The following C4orf51 variants were observed in gnomAD, a reference collection of about 807,000 sequenced individuals.
C4orf51 encodes chromosome 4 open reading frame 51, also known as uncharacterized protein C4orf51.
C4orf51 carries 25 observed loss-of-function variants against 25.2 expected under a neutral mutation model. The observed-to-expected ratio is 0.99, with a 90% confidence interval of 0.72 to 1.39. The LOEUF (loss-of-function observed/expected upper bound fraction) is 1.39, where lower values mean the gene tolerates loss of function less well. C4orf51 is among the 40% of genes most tolerant of loss of function. The pLI, the probability that C4orf51 is intolerant of heterozygous loss-of-function variation, is 0.00. For synonymous variants in C4orf51, 100 were observed against 84.5 expected (o/e 1.18, Z -1.01); for missense variants, 252 against 239.6 (o/e 1.05, Z -0.34).
downstream of C4orf51, chr4:145,774,395 A>G (rs897904077): frequency 8.1e-7 from 1 of 1,230,602 alleles, no homozygotes; most frequent in Non-Finnish European, 1.1e-6. Context: ...CCTTCCATGG[A>G]AGGAAAAGGG....
At chr4:145,701,359 C>T (rs1040555111) in intron 2 of C4orf51, among the ~76,000 whole-genome samples, 7 of 152,182 alleles carry the variant, frequency 4.6e-5, no homozygotes, top group African/African-American at 1.7e-4. Context: ...CCTCCTCCCC[C>T]AGGAGCTTGC....
At chr4:145,753,259 C>T (rs1437128889) in intron 1 of C4orf51, among the ~76,000 whole-genome samples, 1 of 150,738 alleles carries the variant, frequency 6.6e-6, no homozygotes, top group African/African-American at 2.5e-5. Context: ...TTGCTCCACC[C>T]TTGAAAAATA....
chr4:145,751,855 A>G (rs1291302708), intron 1 of C4orf51, among the ~76,000 whole-genome samples: 2 of 152,194 alleles, frequency 1.3e-5, no homozygotes, highest in African/African-American at 4.8e-5. Flanking sequence ...AAGCCACAAA[A>G]CAAAGTCCTT....
Position 145,765,107 on chromosome 4 carries a change from A to G in C4orf51, n.167-5881A>G. The G allele has an allele frequency of 6.2e-7, 1 of 1,614,132 alleles. No homozygotes were observed. Among genetic ancestry groups the G allele is most frequent in the Non-Finnish European group, 8.5e-7 (1 of 1,180,026 alleles). On this transcript the variant is annotated intron_variant and non_coding_transcript_variant, in intron 1 of 1. Transcript: ENST00000510096. This position sits in a 1 kb window ranked among gnomAD's most constrained non-coding sequence, Gnocchi z 4.7. ...TCCGGGTGATGAGGTGTATCTGCAG[A>G]TGACGCTCAAACATGTTCTTCGTCT...
At chr4:145,789,139 G>A in the C4orf51 span, among the ~76,000 whole-genome samples, 1 of 152,186 alleles carries the variant, frequency 6.6e-6, no homozygotes, top group Non-Finnish European at 1.5e-5. Flanking sequence ...GAAGATGAAA[G>A]CCATTGATAA....
At chr4:145,688,192 T>A (rs1578918677) in intron 1 of C4orf51, among the ~76,000 whole-genome samples, 3 of 125,332 alleles carry the variant, frequency 2.4e-5, no homozygotes, top group African/African-American at 6.3e-5. Flanking sequence ...CAGAGTGAGA[T>A]CCTACCTTAA....
chr4:145,740,492 T>A lies in C4orf51; in HGVS notation n.167+7873T>A, dbSNP rs536288081. On this transcript the variant is annotated intron_variant and non_coding_transcript_variant, in intron 1 of 1. Coordinates refer to the C4orf51 transcript ENST00000508981. The stretch of plus-strand genomic sequence containing the variant: ...GCTCTATACATTATATAAATACCCT[T>A]CTGAAATTCAGTGCCCAAGGAAAAA... Among the ~76,000 whole-genome samples the A allele has an allele frequency of 3.9e-5, 6 of 152,286 alleles. No individual in the cohort carries two copies. The East Asian group carries it at 1.2e-3, about 29-fold the overall frequency.
chr4:145,692,384 C>A (rs926883262), intron 1 of C4orf51, among the ~76,000 whole-genome samples: 1 of 152,128 alleles, frequency 6.6e-6, no homozygotes, highest in African/African-American at 2.4e-5. Flanking sequence ...TGTTTAGTGA[C>A]AAAATGTATT....
chr4:145,725,282 A>G (rs1223873469), intron 2 of C4orf51, among the ~76,000 whole-genome samples: 1 of 152,262 alleles, frequency 6.6e-6, no homozygotes, highest in Non-Finnish European at 1.5e-5. Context: ...CACAAAGACA[A>G]TAACAAATAT....
chr4:145,749,686 G>T (rs906788472), intron 1 of C4orf51, among the ~76,000 whole-genome samples: 6 of 151,940 alleles, frequency 3.9e-5, no homozygotes, highest in Admixed American at 3.9e-4. Flanking sequence ...CCAGGCTGGA[G>T]TGCAGTGGTG....
At chr4:145,774,467 TG>T, downstream of C4orf51, 1 of 1,585,010 alleles carries the variant, frequency 6.3e-7, no homozygotes, top group Non-Finnish European at 8.6e-7. Flanking sequence ...GTGCAGGGGA[TG>T]GAGAAGGAGT....
chr4:145,775,191 T>A (rs546683704), downstream of C4orf51, among the ~76,000 whole-genome samples: 9 of 152,336 alleles, frequency 5.9e-5, no homozygotes, highest in South Asian at 4.1e-4. Flanking sequence ...AGCCACCCAC[T>A]GCTAGAGACA....
chr4:145,731,275 C>G (rs919158492), intron 5 of C4orf51, among the ~76,000 whole-genome samples: 2 of 152,292 alleles, frequency 1.3e-5, no homozygotes, highest in African/African-American at 4.8e-5. Context: ...TCAGTGTCTG[C>G]AGCTGTTCTG....
At chr4:145,682,146 C>G (rs548370158) in intron 1 of C4orf51, among the ~76,000 whole-genome samples, 32 of 152,072 alleles carry the variant, frequency 2.1e-4, no homozygotes, top group Non-Finnish European at 4.3e-4. Context: ...TCATTCCAAC[C>G]AAGGCGGCCT....
the C4orf51 span, among the ~76,000 whole-genome samples, chr4:145,788,465 A>C: frequency 6.6e-6 from 1 of 152,224 alleles, no homozygotes; most frequent in Admixed American, 6.5e-5. Flanking sequence ...CATTTTAAGA[A>C]AACTATATAA....
chr4:145,774,782 C>G (rs1736800803), downstream of C4orf51: 13 of 1,227,462 alleles, frequency 1.1e-5, no homozygotes, highest in Middle Eastern at 1.9e-4. Flanking sequence ...GAATTTGAAA[C>G]ACATTTGTCT....
downstream of C4orf51, among the ~76,000 whole-genome samples, chr4:145,775,223 C>T (rs959034497): frequency 1.3e-5 from 2 of 152,170 alleles, no homozygotes; most frequent in Non-Finnish European, 2.9e-5. Flanking sequence ...AGCAAGTTTC[C>T]ACCAATCAGT....
chr4:145,741,655 T>C (rs1733105109), intron 1 of C4orf51, among the ~76,000 whole-genome samples: 1 of 152,206 alleles, frequency 6.6e-6, no homozygotes, highest in Admixed American at 6.5e-5. Flanking sequence ...TGGGGTCTTT[T>C]GGCGAGAGCT....
rs1732095254 is a variant in C4orf51 at position 145,726,933 on chromosome 4, G to A, written c.330G>A (p.Arg110=). ...DIKGLFPDIT[R]PFKKSFDVKH... ...CAGGACTATTCCCTGATATAACCAG[G>A]CCCTTTAAAAAGTCATTTGATGTCA... Residue 110 remains arginine, a synonymous_variant, in exon 3 of 6, where the codon AGG becomes AGA. Coordinates refer to ENST00000438731, the MANE Select transcript of C4orf51 (RefSeq NM_001080531.3). 1.9e-6 allele frequency: 3 copies of A among 1,613,374 alleles called. No homozygotes were observed. Among genetic ancestry groups the A allele is most frequent in the Non-Finnish European group, 2.5e-6 (3 of 1,179,552 alleles).
Sources: gnomAD v4.1 joint callset for allele counts (sites outside exome capture counted in the v4.1 genomes callset) on GRCh38, gnomAD v4.1.1 for gene constraint, Gnocchi (gnomAD v3.1) non-coding constraint, MANE v1.5 for transcripts, NCBI Gene and HGNC (gene_info 2026-07-23, HGNC 2026-07-21) for gene names.